Variants in DNER observed in about 807,000 individuals in gnomAD.
DNER encodes delta/notch like EGF repeat containing, also known as delta and Notch-like epidermal growth factor-related receptor.
DNER carries 33 observed loss-of-function variants against 78.2 expected under a neutral mutation model. The observed-to-expected ratio is 0.42, with a 90% CI of 0.32 to 0.56. The LOEUF is 0.56. DNER is among the 20% of genes least tolerant of loss of function. The pLI, the probability that DNER is intolerant of heterozygous loss-of-function variation, is 0.11. For missense variants in DNER, 918 were observed against 975.3 expected, an observed-to-expected ratio of 0.94 and a Z score of 0.78; for synonymous variants, 417 against 384.8, an observed-to-expected ratio of 1.08 and a Z score of -0.98.
At chr2:229,652,195 G>A (rs1470534182) in intron 1 of DNER, among the ~76,000 whole-genome samples, 1 of 152,214 alleles carries the variant, frequency 6.6e-6, no homozygotes, top group Admixed American at 6.5e-5. Context: ...CAGGAAGAGT[G>A]AGGTCTTGAA....
chr2:229,578,225 C>T (rs555281835), intron 4 of DNER, among the ~76,000 whole-genome samples: 5 of 152,118 alleles, frequency 3.3e-5, no homozygotes, highest in Non-Finnish European at 7.4e-5. Flanking sequence ...GTCGGTCGCT[C>T]GCCCTGTCTC....
intron 8 of DNER, among the ~76,000 whole-genome samples, chr2:229,435,326 C>G (rs747357332): frequency 1.3e-5 from 2 of 152,152 alleles, no homozygotes; most frequent in Non-Finnish European, 2.9e-5. Context: ...AGCTGGCTTG[C>G]CAGCTGACCA....
chr2:229,522,889 A>T (rs994593867), intron 5 of DNER, among the ~76,000 whole-genome samples: 4 of 152,232 alleles, frequency 2.6e-5, no homozygotes, highest in Admixed American at 6.5e-5. Flanking sequence ...ACAGCCTTCC[A>T]AAATAAGTGT....
intron 10 of DNER, among the ~76,000 whole-genome samples, chr2:229,397,656 G>A (rs998137489): frequency 3.9e-5 from 6 of 152,006 alleles, no homozygotes; most frequent in Admixed American, 3.3e-4. Flanking sequence ...AAATTTAGGA[G>A]AGTTGAAATC....
At chr2:229,455,250 GA>G (rs2106365546) in intron 7 of DNER, among the ~76,000 whole-genome samples, 1 of 152,204 alleles carries the variant, frequency 6.6e-6, no homozygotes, top group South Asian at 2.1e-4. Context: ...TGCAGAGCCA[GA>G]AAACCAAAGT....
At chr2:229,602,005 T>A (rs887100896) in intron 1 of DNER, among the ~76,000 whole-genome samples, 1 of 152,146 alleles carries the variant, frequency 6.6e-6, no homozygotes, top group Non-Finnish European at 1.5e-5. Context: ...ATGCTTTTTT[T>A]TTTTTCACTT....
chr2:229,700,368 C>G (rs1285934190), intron 1 of DNER, among the ~76,000 whole-genome samples: 8 of 147,914 alleles, frequency 5.4e-5, no homozygotes, highest in Non-Finnish European at 1.2e-4. Context: ...CAGCATCTCA[C>G]TCTGTCATCC....
At chr2:229,638,118 T>C (rs1270757535) in intron 1 of DNER, among the ~76,000 whole-genome samples, 1 of 152,220 alleles carries the variant, frequency 6.6e-6, no homozygotes, top group Non-Finnish European at 1.5e-5. Context: ...CAGTGGTTTA[T>C]ATATCAATTC....
chr2:229,393,556 A>AT (rs1693064943), intron 10 of DNER, among the ~76,000 whole-genome samples: 1 of 151,310 alleles, frequency 6.6e-6, no homozygotes. Context: ...TTTTTAAAAA[A>AT]CTAAGTAGAA....
chr2:229,556,059 G>A (rs1354053058), intron 4 of DNER, among the ~76,000 whole-genome samples: 1 of 152,090 alleles, frequency 6.6e-6, no homozygotes, highest in Non-Finnish European at 1.5e-5. Flanking sequence ...TTATAGACAA[G>A]GCTTTCTTCC....
At chr2:229,628,277 A>G (rs1698379232) in intron 1 of DNER, among the ~76,000 whole-genome samples, 1 of 152,160 alleles carries the variant, frequency 6.6e-6, no homozygotes, top group Non-Finnish European at 1.5e-5. Context: ...GAAGTCATCA[A>G]AGTCATATAT....
At chr2:229,710,474 G>A (rs1251509711) in intron 1 of DNER, among the ~76,000 whole-genome samples, 3 of 152,208 alleles carry the variant, frequency 2.0e-5, no homozygotes, top group Non-Finnish European at 1.5e-5. Flanking sequence ...TAAAATGGGA[G>A]TAGGGACAGC....
intron 4 of DNER, among the ~76,000 whole-genome samples, chr2:229,552,786 T>C (rs1194812634): frequency 2.0e-5 from 3 of 152,274 alleles, no homozygotes; most frequent in South Asian, 2.1e-4. Context: ...TTCTCTTAAA[T>C]TGGGATCCAT....
At chr2:229,692,660 TG>T (rs1699598525) in intron 1 of DNER, among the ~76,000 whole-genome samples, 1 of 152,196 alleles carries the variant, frequency 6.6e-6, no homozygotes, top group East Asian at 1.9e-4. Context: ...AAAATGGTTT[TG>T]GGGTTCATCT....
intron 7 of DNER, among the ~76,000 whole-genome samples, chr2:229,465,368 G>T (rs1051915579): frequency 2.0e-5 from 3 of 152,126 alleles, no homozygotes; most frequent in African/African-American, 7.2e-5. Flanking sequence ...CTTATAAGTG[G>T]GAGCTGAGCA....
chr2:229,623,567 G>A (rs997525713), intron 1 of DNER, among the ~76,000 whole-genome samples: 6 of 152,238 alleles, frequency 3.9e-5, no homozygotes, highest in Admixed American at 2.6e-4. Context: ...CGAGAAGGCA[G>A]GCACAGAATC....
At chr2:229,377,879 C>T (rs547544152) in intron 11 of DNER, among the ~76,000 whole-genome samples, 1 of 152,218 alleles carries the variant, frequency 6.6e-6, no homozygotes, top group South Asian at 2.1e-4. Flanking sequence ...ATGCCCAGAA[C>T]CTATCAATAC....
chr2:229,577,519 C>T (rs888420038), intron 4 of DNER, among the ~76,000 whole-genome samples: 1 of 152,086 alleles, frequency 6.6e-6, no homozygotes, highest in Non-Finnish European at 1.5e-5. Context: ...CCTGTAACCC[C>T]AGCTACTCAG....
At chr2:229,447,083 A>G (rs1022778708) in intron 8 of DNER, among the ~76,000 whole-genome samples, 2 of 152,216 alleles carry the variant, frequency 1.3e-5, no homozygotes, top group East Asian at 3.8e-4. Flanking sequence ...ATGATGAAAG[A>G]GTATTTTTTT....
Sources: gnomAD v4.1 joint callset for allele counts (sites outside exome capture counted in the v4.1 genomes callset) on GRCh38, gnomAD v4.1.1 for gene constraint, MANE v1.5 for transcripts, NCBI Gene and HGNC (gene_info 2026-07-23, HGNC 2026-07-21) for gene names.